GRM8: variants seen among roughly 807,000 people sequenced by gnomAD.
GRM8 encodes metabotropic glutamate receptor 8.
GRM8 carries 47 observed loss-of-function variants against 87.2 expected under a neutral mutation model. That is an observed-to-expected ratio of 0.54 (90% CI 0.43 to 0.69). The LOEUF is 0.69. GRM8 is among the 30% of genes least tolerant of loss of function. The probability of loss-of-function intolerance (pLI) is 0.00; values close to 1 mark genes in which losing one functional copy is unlikely to be tolerated. For synonymous variants in GRM8, 396 were observed against 404.5 expected (o/e 0.98, Z 0.25); for missense variants, 1,019 against 1,139.2 (o/e 0.89, Z 1.52).
intron 3 of GRM8, among the ~76,000 whole-genome samples, chr7:126,923,525 A>G (rs1228755646): frequency 1.3e-5 from 2 of 152,220 alleles, no homozygotes; most frequent in African/African-American, 2.4e-5. Context: ...AATAAAGAAA[A>G]TAAGAGTCCT....
At chr7:126,768,190 A>C (rs1364049471) in intron 7 of GRM8, among the ~76,000 whole-genome samples, 1 of 151,878 alleles carries the variant, frequency 6.6e-6, no homozygotes, top group African/African-American at 2.4e-5. Flanking sequence ...TTCAGCACTC[A>C]TTGCAGATTA....
intron 3 of GRM8, among the ~76,000 whole-genome samples, chr7:127,005,511 T>C (rs1167590544): frequency 6.6e-6 from 1 of 151,812 alleles, no homozygotes; most frequent in Admixed American, 6.6e-5. Context: ...GGCCAGGCTG[T>C]GAACTATTTC....
At chr7:126,694,068 C>T (rs1015242612) in intron 7 of GRM8, among the ~76,000 whole-genome samples, 2 of 151,672 alleles carry the variant, frequency 1.3e-5, no homozygotes, top group Non-Finnish European at 2.9e-5. Context: ...AAATATTTCT[C>T]CCAACTATGT....
chr7:127,178,170 A>T (rs1016067215), intron 2 of GRM8, among the ~76,000 whole-genome samples: 1 of 152,200 alleles, frequency 6.6e-6, no homozygotes, highest in African/African-American at 2.4e-5. Flanking sequence ...TCAAAAATTC[A>T]GGAAACTTTA....
intron 3 of GRM8, among the ~76,000 whole-genome samples, chr7:126,990,520 T>G (rs1176299935): frequency 1.3e-5 from 2 of 152,214 alleles, no homozygotes; most frequent in Non-Finnish European, 2.9e-5. Context: ...CAACTAAACC[T>G]ATGCAAACAA....
chr7:126,507,852 T>A (rs1291948187), intron 9 of GRM8, among the ~76,000 whole-genome samples: 1 of 151,898 alleles, frequency 6.6e-6, no homozygotes, highest in Admixed American at 6.6e-5. Context: ...TGTATGGCCC[T>A]CCCCCAAGTT....
intron 3 of GRM8, among the ~76,000 whole-genome samples, chr7:127,014,994 GAAGAAGA>G (rs1468703535): frequency 1.6e-4 from 19 of 118,878 alleles, no homozygotes; most frequent in African/African-American, 5.0e-4. Flanking sequence ...AGAGGAAGAA[GAAGAAGA>G]AAGAAGAAGA....
intron 3 of GRM8, among the ~76,000 whole-genome samples, chr7:126,979,421 A>AT (rs1365989438): frequency 1.3e-5 from 2 of 152,168 alleles, no homozygotes; most frequent in African/African-American, 2.4e-5. Flanking sequence ...ACATAGAAGT[A>AT]TTTTTTAGTA....
intron 2 of GRM8, among the ~76,000 whole-genome samples, chr7:127,157,115 T>A (rs1027816352): frequency 5.3e-5 from 8 of 150,038 alleles, no homozygotes; most frequent in Non-Finnish European, 8.9e-5. Context: ...GGGGAAAAAC[T>A]ATAGATTAAA....
At chr7:126,858,903 T>TC (rs2047473379) in intron 6 of GRM8, among the ~76,000 whole-genome samples, 4 of 152,202 alleles carry the variant, frequency 2.6e-5, no homozygotes, top group Admixed American at 2.6e-4. Context: ...ACATACTTTT[T>TC]CCCATTTACC....
At chr7:127,090,112 C>G (rs979321336) in intron 3 of GRM8, among the ~76,000 whole-genome samples, 15 of 152,316 alleles carry the variant, frequency 9.8e-5, no homozygotes, top group African/African-American at 3.6e-4. Flanking sequence ...CCACTCCAGT[C>G]CAAGCCAATC....
At chr7:126,612,543 C>T (rs968292593) in intron 7 of GRM8, among the ~76,000 whole-genome samples, 4 of 152,122 alleles carry the variant, frequency 2.6e-5, no homozygotes, top group Admixed American at 6.6e-5. Context: ...CATGCAATAT[C>T]GAAGCACTCG....
chr7:126,853,628 T>A (rs1339306336), intron 6 of GRM8, among the ~76,000 whole-genome samples: 1 of 152,128 alleles, frequency 6.6e-6, no homozygotes, highest in Non-Finnish European at 1.5e-5. Context: ...CATTGCACCT[T>A]GATGAGCAAC....
At position 127,083,772 on chromosome 7, in the gene GRM8, C is replaced by T. The variant is rs1352669925; in HGVS notation, c.727+22724G>A. The stretch of plus-strand genomic sequence containing the variant: ...CTGCTCCCTTTTCCCCCAAAATCGG[C>T]TCAAACACCATTATTGTCTGAAAGT... On this transcript the variant is annotated intron_variant, in intron 3 of 10. Transcript: ENST00000339582. 2.0e-5 allele frequency among the ~76,000 whole-genome samples: 3 copies of T among 152,122 alleles called. No individual in the cohort carries two copies. In the East Asian group the frequency reaches 5.8e-4, roughly 29 times the overall value.
intron 3 of GRM8, among the ~76,000 whole-genome samples, chr7:127,025,161 A>G (rs973481782): frequency 6.6e-6 from 1 of 152,052 alleles, no homozygotes; most frequent in Admixed American, 6.6e-5. Context: ...GGCCCTATTC[A>G]TTTTAAAATA....
intron 2 of GRM8, among the ~76,000 whole-genome samples, chr7:127,156,749 G>C (rs139390448): frequency 2.0e-5 from 3 of 152,026 alleles, no homozygotes; most frequent in Admixed American, 6.6e-5. Context: ...ACGAGAAATC[G>C]AGAAGTTAAA....
chr7:126,904,596 G>A lies in GRM8; in HGVS notation c.815C>T (p.Thr272Ile). The change falls in exon 4 of 11, where the codon ACA becomes ATA. Residue 272 changes from threonine (T) to isoleucine (I), a missense_variant. Thr to Ile is a moderately conservative substitution (Grantham distance 89). Coordinates refer to ENST00000339582, the MANE Select transcript of GRM8 (RefSeq NM_000845.3). ...FEKIIKRLLE[T>I]PNARAVIMFA... ...CATAATCACTGCTCGAGCATTAGGTGTTTCTAGCAGGCGTTTGATAATTTT... is the reference window on the plus strand; with the variant it reads ...CATAATCACTGCTCGAGCATTAGGTATTTCTAGCAGGCGTTTGATAATTTT... 6.2e-7 allele frequency: 1 copy of A among 1,613,542 alleles called. No individual in the cohort carries two copies. Among genetic ancestry groups the A allele is most frequent in the Non-Finnish European group, 8.5e-7 (1 of 1,179,516 alleles).
intron 3 of GRM8, among the ~76,000 whole-genome samples, chr7:127,054,037 G>T (rs977686731): frequency 2.0e-5 from 3 of 152,214 alleles, no homozygotes; most frequent in East Asian, 3.9e-4. Context: ...TACGAGTCAG[G>T]ATTCTAAGTC....
chr7:126,780,208 C>A (rs1022206825), intron 6 of GRM8, among the ~76,000 whole-genome samples: 4 of 152,084 alleles, frequency 2.6e-5, no homozygotes, highest in African/African-American at 9.7e-5. Context: ...TTCCGATCTG[C>A]CTAGGTTCAA....
Sources: allele counts gnomAD v4.1 joint callset (sites outside exome capture counted in the v4.1 genomes callset), GRCh38; gene constraint gnomAD v4.1.1; transcripts MANE v1.5; gene names NCBI Gene and HGNC (gene_info 2026-07-23, HGNC 2026-07-21).